The following CGGBP1 variants were observed in gnomAD, a reference collection of about 807,000 sequenced individuals.
CGGBP1 encodes the protein CGG triplet repeat binding protein 1, also known as CGG triplet repeat-binding protein 1.
Under a neutral mutation model 11.4 loss-of-function variants are expected in CGGBP1, and 4 were observed. The observed-to-expected ratio is 0.35, with a 90% confidence interval of 0.17 to 0.80. The LOEUF (loss-of-function observed/expected upper bound fraction) is 0.80, where lower values mean the gene tolerates loss of function less well. Among genes scored for constraint, CGGBP1 ranks in the 30% least tolerant of loss-of-function variants. The pLI is 0.52. For synonymous variants in CGGBP1, 76 were observed against 74.1 expected, an observed-to-expected ratio of 1.03 and a Z score of -0.13; for missense variants, 135 against 202.1, an observed-to-expected ratio of 0.67 and a Z score of 2.01.
chr3:88,109,096 G>C (rs1704923152), intron 2 of CGGBP1, among the ~76,000 whole-genome samples: 1 of 151,836 alleles, frequency 6.6e-6, no homozygotes, highest in African/African-American at 2.4e-5. Context: ...CATCCAGTGG[G>C]AGGGAAGGGG....
At chr3:88,139,904 C>T (rs1277784919) in intron 2 of CGGBP1, 3 of 1,613,166 alleles carry the variant, frequency 1.9e-6, no homozygotes, top group African/African-American at 1.3e-5. Flanking sequence ...AAGAAGGAAA[C>T]TTTAAGTGTC....
intron 2 of CGGBP1, among the ~76,000 whole-genome samples, chr3:88,080,439 C>T (rs186365408): frequency 1.3e-5 from 2 of 152,108 alleles, no homozygotes; most frequent in African/African-American, 4.8e-5. Context: ...CAGGAATTAT[C>T]CTATATTTTA....
intron 2 of CGGBP1, among the ~76,000 whole-genome samples, chr3:88,124,923 A>G (rs1242046150): frequency 2.6e-5 from 4 of 152,176 alleles, no homozygotes; most frequent in Non-Finnish European, 4.4e-5. Flanking sequence ...CATTTTAAAA[A>G]ACAATACCTT....
intron 2 of CGGBP1, among the ~76,000 whole-genome samples, chr3:88,083,141 T>C (rs1041545911): frequency 6.6e-6 from 1 of 151,992 alleles, no homozygotes; most frequent in African/African-American, 2.4e-5. Flanking sequence ...TCATTTAAAC[T>C]TAATTACTTC....
chr3:88,134,661 T>C (rs1027933964), intron 2 of CGGBP1, among the ~76,000 whole-genome samples: 2 of 152,104 alleles, frequency 1.3e-5, no homozygotes, highest in Non-Finnish European at 2.9e-5. Flanking sequence ...AAATGAAAAA[T>C]ATGAACCATT....
At chr3:88,059,381 T>G (rs1248892617), upstream of CGGBP1, 1 of 1,535,294 alleles carries the variant, frequency 6.5e-7, no homozygotes, top group South Asian at 1.2e-5. Context: ...GTGGCCATTG[T>G]GGAGTCCCCG....
chr3:88,062,436 C>G (rs758907356), upstream of CGGBP1, among the ~76,000 whole-genome samples: 10 of 152,134 alleles, frequency 6.6e-5, no homozygotes, highest in Non-Finnish European at 1.2e-4. Context: ...CTGGAAATAA[C>G]TTGGTATTAT....
In CGGBP1 at chr3:88,055,412, A is replaced by T; in HGVS notation, c.*61T>A. 7.3e-7 allele frequency: 1 copy of T among 1,378,090 alleles called. No individual in the cohort carries two copies. The highest frequency in any genetic ancestry group is 9.8e-7 in the Non-Finnish European group (1 of 1,024,810). 85.4% of individuals were successfully genotyped at this position (1,378,090 alleles called of 1,614,324 possible). A position where few individuals can be genotyped will look rare whatever the true frequency, so the allele number is the denominator to read the frequency against. ...AAATAAATACAAAAATGAACCACAC[A>T]ATCAACACATAACTTTAATACTCCA... On this transcript the variant is annotated 3_prime_UTR_variant, in exon 4 of 4. Coordinates refer to ENST00000482016, the MANE Select transcript of CGGBP1 (RefSeq NM_001008390.2). This position sits in a 1 kb window ranked among gnomAD's most constrained non-coding sequence, Gnocchi z 4.2.
chr3:88,126,091 A>T, intron 2 of CGGBP1: 1 of 1,415,068 alleles, frequency 7.1e-7, no homozygotes, highest in Non-Finnish European at 9.2e-7. Flanking sequence ...TTAGTTTTTA[A>T]CCCCTTTAAA....
intron 2 of CGGBP1, among the ~76,000 whole-genome samples, chr3:88,122,937 G>A (rs1445588245): frequency 6.6e-6 from 1 of 151,268 alleles, no homozygotes; most frequent in African/African-American, 2.4e-5. Flanking sequence ...TTGAACCTGG[G>A]AGGCCGAGGT....
intron 2 of CGGBP1, among the ~76,000 whole-genome samples, chr3:88,111,458 A>G (rs1044992124): frequency 1.3e-5 from 2 of 151,828 alleles, no homozygotes; most frequent in African/African-American, 2.4e-5. Context: ...TAATGAATAT[A>G]TATCTCTGGG....
chr3:88,120,986 TG>T (rs1705736558), intron 2 of CGGBP1, among the ~76,000 whole-genome samples: 1 of 152,070 alleles, frequency 6.6e-6, no homozygotes, highest in Non-Finnish European at 1.5e-5. Flanking sequence ...CTAATGCATG[TG>T]GTGCTTAAAA....
chr3:88,139,619 CAAA>C (rs748216732), intron 2 of CGGBP1: 18 of 1,613,496 alleles, frequency 1.1e-5, no homozygotes, highest in African/African-American at 5.3e-5. Flanking sequence ...GTGAAGGAAA[CAAA>C]GAAGTCATCC....
At chr3:88,137,146 G>C (rs1368215345) in intron 2 of CGGBP1, among the ~76,000 whole-genome samples, 1 of 120,284 alleles carries the variant, frequency 8.3e-6, no homozygotes, top group Non-Finnish European at 1.6e-5. Context: ...AGTGAGCTGA[G>C]ATCATGCCAT....
intron 2 of CGGBP1, chr3:88,135,275 A>G: frequency 1.6e-6 from 2 of 1,218,904 alleles, no homozygotes; most frequent in South Asian, 2.1e-5. Context: ...CTCTTTTGAT[A>G]AAATTTATTT....
At chr3:88,128,731 A>T in intron 2 of CGGBP1, 2 of 940,256 alleles carry the variant, frequency 2.1e-6, no homozygotes, top group Non-Finnish European at 3.1e-6. Flanking sequence ...ACCATATTTT[A>T]GTGGTAAAGT....
At position 88,109,907 on chromosome 3, in the gene CGGBP1, G is replaced by T. The variant is rs558220707; in HGVS notation, c.-229+31063C>A. Among the ~76,000 whole-genome samples, 13 of 152,166 alleles carry T rather than the reference G, an allele frequency of 8.5e-5. No homozygotes were observed. In the South Asian group the frequency reaches 2.5e-3, roughly 29 times the overall value. On this transcript the variant is annotated intron_variant, in intron 2 of 3. Transcript: ENST00000462901. ...TGATACAATAATACATTTTTGGAAA[G>T]AAATCTTTTGATGAGTTTAATCAGA...
At chr3:88,059,430 A>G (rs1706706288), upstream of CGGBP1, 1 of 1,522,504 alleles carries the variant, frequency 6.6e-7, no homozygotes, top group East Asian at 2.5e-5. Flanking sequence ...GCGACGGCAG[A>G]GGCGGCGCTG....
intron 2 of CGGBP1, among the ~76,000 whole-genome samples, chr3:88,092,329 C>A (rs1206454411): frequency 1.3e-5 from 2 of 152,134 alleles, no homozygotes; most frequent in Non-Finnish European, 2.9e-5. Flanking sequence ...TAGATAAATT[C>A]TTGTTCTCCA....
Sources: gnomAD v4.1 joint callset for allele counts (sites outside exome capture counted in the v4.1 genomes callset) on GRCh38, gnomAD v4.1.1 for gene constraint, Gnocchi (gnomAD v3.1) non-coding constraint, MANE v1.5 for transcripts, NCBI Gene and HGNC (gene_info 2026-07-23, HGNC 2026-07-21) for gene names.